Variants in CENPL observed in about 807,000 individuals in gnomAD.
The protein encoded by CENPL is centromere protein L.
Under a neutral mutation model 35.2 loss-of-function variants are expected in CENPL, and 20 were observed. The observed-to-expected ratio is 0.57, with a 90% CI of 0.40 to 0.83. CENPL has a LOEUF of 0.83. Ranked by LOEUF, CENPL falls within the 40% of genes least tolerant of loss-of-function variation. The pLI is 0.00. For missense variants in CENPL, 363 were observed against 395.8 expected, an observed-to-expected ratio of 0.92 and a Z score of 0.70; for synonymous variants, 140 against 140.6, an observed-to-expected ratio of 1.00 and a Z score of 0.03.
At chr1:173,817,264 G>A (rs1651491643) in intron 2 of CENPL, among the ~76,000 whole-genome samples, 1 of 151,992 alleles carries the variant, frequency 6.6e-6, no homozygotes, top group Non-Finnish European at 1.5e-5. Flanking sequence ...ATCAGACAAA[G>A]GGATAATATC....
At chr1:173,800,875 T>G (rs1292878333) in intron 5 of CENPL, among the ~76,000 whole-genome samples, 1 of 152,200 alleles carries the variant, frequency 6.6e-6, no homozygotes, top group African/African-American at 2.4e-5. Context: ...GAGGATCACT[T>G]GAGCCCAAGA....
At chr1:173,812,274 AG>A (rs1650909241) in intron 2 of CENPL, among the ~76,000 whole-genome samples, 1 of 152,270 alleles carries the variant, frequency 6.6e-6, no homozygotes, top group Non-Finnish European at 1.5e-5. Flanking sequence ...AAACGTCTGC[AG>A]ACTTAAACAT....
At chr1:173,803,540 AAGTAC>A in intron 4 of CENPL, 35 bp from the exon 5 acceptor site, 1 of 1,504,200 alleles carries the variant, frequency 6.6e-7, no homozygotes, top group Non-Finnish European at 8.9e-7. Context: ...TTAAATTCAA[AAGTAC>A]ATTTACTTCT....
chr1:173,821,484 G>T (rs1011320430), intron 2 of CENPL, among the ~76,000 whole-genome samples: 27 of 152,274 alleles, frequency 1.8e-4, no homozygotes, highest in African/African-American at 5.5e-4. Context: ...ACTTTAAAAA[G>T]TCTAGCAATA....
chr1:173,806,477 G>A (rs1269570057), intron 4 of CENPL: 2 of 444,490 alleles, frequency 4.5e-6, no homozygotes, highest in Non-Finnish European at 9.0e-6. Flanking sequence ...CCAGCTACTT[G>A]GAAGGCTAAG....
At chr1:173,816,562 T>C (rs1413429631) in intron 2 of CENPL, among the ~76,000 whole-genome samples, 1 of 152,084 alleles carries the variant, frequency 6.6e-6, no homozygotes, top group East Asian at 1.9e-4. Context: ...TTGACAAACC[T>C]GACAAAAACA....
chr1:173,824,869 G>C lies in CENPL; in HGVS notation c.-759C>G. 1 of 338,068 alleles carries C rather than the reference G, an allele frequency of 3.0e-6. No homozygotes were observed. The highest frequency in any genetic ancestry group is 5.8e-6 in the Non-Finnish European group (1 of 171,770). The allele number at this position is 338,068 out of a possible 1,614,324, so 20.9% of individuals were successfully genotyped here. On this transcript the variant is annotated 5_prime_UTR_variant, in exon 1 of 6. Coordinates refer to ENST00000682279, the MANE Select transcript of CENPL (RefSeq NM_001387287.1). ...AGAAGCGTGGAAAGAGGAGAAGGGC[G>C]TATACCTTGTGACCGCCTCTGGTTG...
intron 2 of CENPL, among the ~76,000 whole-genome samples, chr1:173,816,329 A>C (rs1398647650): frequency 6.6e-6 from 1 of 152,212 alleles, no homozygotes; most frequent in Non-Finnish European, 1.5e-5. Context: ...ATTGGAAAAA[A>C]CTACTTTAAA....
At chr1:173,805,378 G>A (rs762739017) in intron 4 of CENPL, among the ~76,000 whole-genome samples, 3 of 152,006 alleles carry the variant, frequency 2.0e-5, no homozygotes, top group Admixed American at 6.6e-5. Context: ...AGCCTGGCAC[G>A]GTGGCACATG....
rs1571959718 is a variant in CENPL, at chr1:173,807,642, A to C, written c.169-124T>G. The C allele has an allele frequency of 2.0e-5, 14 of 715,804 alleles. No individual in the cohort carries two copies. In the South Asian group the frequency reaches 3.1e-4, roughly 16 times the overall value. 44.3% of individuals were successfully genotyped at this position (715,804 alleles called of 1,614,324 possible). A position where few individuals can be genotyped will look rare whatever the true frequency, so the allele number is the denominator to read the frequency against. On this transcript the variant is annotated intron_variant, in intron 3 of 5. Transcript: ENST00000682279. Reference sequence around the variant, plus strand: ...TACCTGATTTTTGCACTCCAACCAAATGAGTTTGCAGGACTTTTTGCAGAT... The same window carrying C: ...TACCTGATTTTTGCACTCCAACCAACTGAGTTTGCAGGACTTTTTGCAGAT...
At chr1:173,802,918 C>T (rs1324335401) in intron 5 of CENPL, 45 bp downstream of exon 5, 1 of 1,325,020 alleles carries the variant, frequency 7.5e-7, no homozygotes, top group Non-Finnish European at 1.0e-6. Context: ...ATTTTTAAAA[C>T]CATAAAACAA....
At chr1:173,805,100 C>A (rs932440598) in intron 4 of CENPL, among the ~76,000 whole-genome samples, 11 of 152,164 alleles carry the variant, frequency 7.2e-5, no homozygotes, top group African/African-American at 2.7e-4. Context: ...CATTTCTAAT[C>A]CTCACAAGGG....
intron 4 of CENPL, among the ~76,000 whole-genome samples, chr1:173,804,824 G>A (rs982720381): frequency 4.6e-5 from 7 of 151,974 alleles, no homozygotes; most frequent in Admixed American, 6.6e-5. Context: ...CATGCCTTCC[G>A]GATACTCAAA....
intron 2 of CENPL, among the ~76,000 whole-genome samples, chr1:173,812,116 G>A (rs761185129): frequency 6.6e-6 from 1 of 152,250 alleles, no homozygotes; most frequent in African/African-American, 2.4e-5. Context: ...GTGGTGGGGA[G>A]GGGCGTCCGC....
chr1:173,818,777 G>A (rs1571967710), intron 2 of CENPL, among the ~76,000 whole-genome samples: 3 of 152,080 alleles, frequency 2.0e-5, no homozygotes, highest in East Asian at 1.9e-4. Flanking sequence ...ATACTTCCTT[G>A]TACCATTTTT....
chr1:173,821,602 A>G (rs1651951395), intron 2 of CENPL, among the ~76,000 whole-genome samples: 1 of 152,204 alleles, frequency 6.6e-6, no homozygotes, highest in South Asian at 2.1e-4. Context: ...CGAATTAAAG[A>G]TTAGCAAATG....
chr1:173,817,162 AAAT>A (rs1282897824), intron 2 of CENPL, among the ~76,000 whole-genome samples: 1 of 150,238 alleles, frequency 6.7e-6, no homozygotes, highest in African/African-American at 2.4e-5. Context: ...GCAAAAAAAT[AAAT>A]AAATAAATAC....
chr1:173,812,947 T>A (rs1650985641), intron 2 of CENPL, among the ~76,000 whole-genome samples: 1 of 152,114 alleles, frequency 6.6e-6, no homozygotes, highest in South Asian at 2.1e-4. Context: ...GATGAATGGC[T>A]AACTAGAATA....
Position 173,807,396 on chromosome 1 carries a change from A to C in CENPL, c.291T>G (p.Ala97=), listed in dbSNP as rs764784995. The C allele has an allele frequency of 1.2e-6, 2 of 1,613,608 alleles. No individual in the cohort carries two copies. Among genetic ancestry groups the C allele is most frequent in the Non-Finnish European group, 1.7e-6 (2 of 1,179,708 alleles). The part of the protein sequence containing the change: ...NLKEYSRLLN[A]FIVAEKQKGL... ...CTTTTTGCTTTTCAGCAACAATAAA[A>C]GCATTGAGAAGTCTAGAATACTCTT... Residue 97 remains alanine (A), a synonymous_variant, in exon 4 of 6, where the codon GCT becomes GCG. Coordinates refer to ENST00000682279, the MANE Select transcript of CENPL (RefSeq NM_001387287.1).
Sources: gnomAD v4.1 joint callset for allele counts (sites outside exome capture counted in the v4.1 genomes callset) on GRCh38, gnomAD v4.1.1 for gene constraint, MANE v1.5 for transcripts, NCBI Gene and HGNC (gene_info 2026-07-23, HGNC 2026-07-21) for gene names.